ZNF516: variants seen among roughly 807,000 people sequenced by gnomAD.
ZNF516 encodes zinc finger protein 516.
In ZNF516, 19 loss-of-function variants were observed where a neutral mutation model predicts 79.7. That is an observed-to-expected ratio of 0.24 (90% confidence interval 0.17 to 0.35). The LOEUF (loss-of-function observed/expected upper bound fraction) is 0.35, where lower values mean the gene tolerates loss of function less well. ZNF516 is among the 10% of genes least tolerant of loss of function. The probability of loss-of-function intolerance (pLI) is 1.00; values close to 1 mark genes in which losing one functional copy is unlikely to be tolerated. For synonymous variants in ZNF516, 877 were observed against 739.5 expected, an observed-to-expected ratio of 1.19 and a Z score of -3.02; for missense variants, 1,678 against 1,679.5, an observed-to-expected ratio of 1.00 and a Z score of 0.02.
chr18:76,454,697 T>G (rs1318579230), intron 2 of ZNF516, among the ~76,000 whole-genome samples: 1 of 152,212 alleles, frequency 6.6e-6, no homozygotes, highest in Non-Finnish European at 1.5e-5. Flanking sequence ...AAATATTTTT[T>G]CAAACACACT....
chr18:76,430,794 T>C (rs1438151414), intron 3 of ZNF516, among the ~76,000 whole-genome samples: 2 of 152,228 alleles, frequency 1.3e-5, no homozygotes, highest in Non-Finnish European at 2.9e-5. Context: ...CACTCAGATT[T>C]GGCACATCTA....
chr18:76,489,613 A>C (rs1259749662), intron 1 of ZNF516, among the ~76,000 whole-genome samples: 1 of 151,898 alleles, frequency 6.6e-6, no homozygotes, highest in Non-Finnish European at 1.5e-5. Flanking sequence ...AAAAAGTTAG[A>C]AATGTAGGAC....
chr18:76,465,591 G>A (rs1349606062), intron 1 of ZNF516, among the ~76,000 whole-genome samples: 2 of 152,198 alleles, frequency 1.3e-5, no homozygotes, highest in South Asian at 2.1e-4. Context: ...GGAAAGAGGC[G>A]AAAATACGAG....
At chr18:76,381,897 C>T (rs191606073) in intron 3 of ZNF516, among the ~76,000 whole-genome samples, 397 of 152,270 alleles carry the variant, frequency 2.6e-3, no homozygotes, top group Admixed American at 5.0e-3. Flanking sequence ...TATGGGGGGC[C>T]GAGGCGGGTG....
chr18:76,395,792 T>A (rs910659464), intron 3 of ZNF516, among the ~76,000 whole-genome samples: 3 of 151,936 alleles, frequency 2.0e-5, no homozygotes, highest in African/African-American at 7.3e-5. Flanking sequence ...ACTTCCCAAA[T>A]GACGTCACCA....
At position 76,372,108 on chromosome 18, in the gene ZNF516, AGG is replaced by A. The variant is rs773251427; in HGVS notation, c.3260-539_3260-538del. Among the ~76,000 whole-genome samples the A allele has an allele frequency of 6.6e-5, 10 of 152,282 alleles. No individual in the cohort carries two copies. The South Asian group carries it at 1.9e-3, about 28-fold the overall frequency. On this transcript the variant is annotated intron_variant, in intron 4 of 6. Coordinates refer to ENST00000443185, the MANE Select transcript of ZNF516 (RefSeq NM_014643.4). ...TCTGAGGCCCCGGCCCCCAGAAGGG[AGG>A]GGACACCTACAACCACCAGGCAGCA...
intron 3 of ZNF516, among the ~76,000 whole-genome samples, chr18:76,421,026 T>C (rs910955326): frequency 6.6e-6 from 1 of 152,230 alleles, no homozygotes; most frequent in Non-Finnish European, 1.5e-5. Flanking sequence ...ACTGTGATTC[T>C]GAGTTGAGCA....
intron 2 of ZNF516, among the ~76,000 whole-genome samples, chr18:76,446,804 T>C (rs1912078787): frequency 6.6e-6 from 1 of 152,208 alleles, no homozygotes; most frequent in South Asian, 2.1e-4. Flanking sequence ...CTTTCAAAAA[T>C]AAGACCTGCT....
chr18:76,454,160 G>C (rs1328469458), intron 2 of ZNF516, among the ~76,000 whole-genome samples: 1 of 152,176 alleles, frequency 6.6e-6, no homozygotes, highest in African/African-American at 2.4e-5. Context: ...ATTACCTTCC[G>C]ATGTAGTGCT....
intron 1 of ZNF516, among the ~76,000 whole-genome samples, chr18:76,486,073 T>A (rs1473793843): frequency 6.6e-6 from 1 of 152,150 alleles, no homozygotes; most frequent in Non-Finnish European, 1.5e-5. Context: ...GTCTGTGTTT[T>A]CCTGAATTAA....
intron 1 of ZNF516, among the ~76,000 whole-genome samples, chr18:76,483,166 T>G (rs1914624334): frequency 6.6e-6 from 1 of 152,224 alleles, no homozygotes; most frequent in Admixed American, 6.5e-5. Flanking sequence ...CCCAGCTGCC[T>G]GCTTTGCTGG....
intron 1 of ZNF516, among the ~76,000 whole-genome samples, chr18:76,485,617 T>TAC (rs1440518387): frequency 1.3e-5 from 2 of 152,170 alleles, no homozygotes; most frequent in African/African-American, 4.8e-5. Flanking sequence ...TCGACAGCCA[T>TAC]ACAGAATGTT....
At chr18:76,448,442 C>T (rs1257767784) in intron 2 of ZNF516, among the ~76,000 whole-genome samples, 2 of 152,174 alleles carry the variant, frequency 1.3e-5, no homozygotes, top group Admixed American at 6.5e-5. Flanking sequence ...ACACACGCCC[C>T]GGTAAGCTGC....
chr18:76,361,033 C>T lies in ZNF516; in HGVS notation c.*1465G>A, dbSNP rs1445136101. On this transcript the variant is annotated 3_prime_UTR_variant, in exon 7 of 7. Transcript: ENST00000443185. ...AATTTCTGTACATGTAAAATTATTG[C>T]TTTTTTGAAAAATATATTTAGCATG... The T allele has an allele frequency of 6.6e-6, 1 of 151,646 alleles. No homozygotes were observed. Among genetic ancestry groups the T allele is most frequent in the Non-Finnish European group, 1.5e-5 (1 of 67,940 alleles). 9.4% of individuals were successfully genotyped at this position (151,646 alleles called of 1,614,324 possible). A position where few individuals can be genotyped will look rare whatever the true frequency, so the allele number is the denominator to read the frequency against.
chr18:76,494,436 G>C lies in ZNF516; in HGVS notation c.-272+708C>G, dbSNP rs1340100851. On this transcript the variant is annotated intron_variant, in intron 1 of 6. Coordinates refer to ENST00000443185, the MANE Select transcript of ZNF516 (RefSeq NM_014643.4). Reference sequence around the variant, plus strand: ...GTCCCTGCCCACCCCTCTCCGAGTCGGTGCCAGACCCTCGCCCCCACCCCC... The same window carrying C: ...GTCCCTGCCCACCCCTCTCCGAGTCCGTGCCAGACCCTCGCCCCCACCCCC... 2.1e-5 allele frequency among the ~76,000 whole-genome samples: 3 copies of C among 145,010 alleles called. No homozygotes were observed. The East Asian group carries it at 6.1e-4, about 30-fold the overall frequency.
intron 3 of ZNF516, among the ~76,000 whole-genome samples, chr18:76,406,607 C>A (rs1444512012): frequency 6.6e-6 from 1 of 152,108 alleles, no homozygotes; most frequent in Non-Finnish European, 1.5e-5. Context: ...ATAAAGCCAG[C>A]GACAGCCGCG....
chr18:76,451,453 C>T lies in ZNF516; in HGVS notation c.-157-8242G>A, dbSNP rs546827062. Among the ~76,000 whole-genome samples the T allele has an allele frequency of 5.9e-5, 9 of 152,266 alleles. No individual in the cohort carries two copies. In the East Asian group the frequency reaches 1.7e-3, roughly 29 times the overall value. ...GGAGGAATTGGGGAGGGAGGGAAAA[C>T]GCCAAAAAGCTCAAAGCAGACAGAA... On this transcript the variant is annotated intron_variant, in intron 2 of 6. Coordinates refer to ENST00000443185, the MANE Select transcript of ZNF516 (RefSeq NM_014643.4). This position sits in a 1 kb window ranked among gnomAD's most constrained non-coding sequence, Gnocchi z 6.0.
chr18:76,436,285 T>C (rs2075733538), intron 3 of ZNF516, among the ~76,000 whole-genome samples: 1 of 152,164 alleles, frequency 6.6e-6, no homozygotes, highest in African/African-American at 2.4e-5. Flanking sequence ...GCCATGAAAT[T>C]GTTCCCAGCC....
chr18:76,447,233 G>A (rs968751572), intron 2 of ZNF516, among the ~76,000 whole-genome samples: 3 of 152,156 alleles, frequency 2.0e-5, no homozygotes, highest in African/African-American at 4.8e-5. Flanking sequence ...CGCCATGGGC[G>A]GCCGCCCCAA....
Sources: allele counts gnomAD v4.1 joint callset (sites outside exome capture counted in the v4.1 genomes callset), GRCh38; gene constraint gnomAD v4.1.1; non-coding constraint Gnocchi (gnomAD v3.1); transcripts MANE v1.5; gene names NCBI Gene and HGNC (gene_info 2026-07-23, HGNC 2026-07-21).